RPTOR: variants seen among roughly 807,000 people sequenced by gnomAD.
RPTOR encodes regulatory associated protein of MTOR complex 1.
Under a neutral mutation model 169.9 loss-of-function variants are expected in RPTOR, and 21 were observed. The ratio of observed to expected loss-of-function variants is 0.12; its 90% CI spans 0.09 to 0.18. The LOEUF (loss-of-function observed/expected upper bound fraction) is 0.18. RPTOR is among the 10% of genes least tolerant of loss of function. The pLI, the probability that RPTOR is intolerant of heterozygous loss-of-function variation, is 1.00. For synonymous variants in RPTOR, 732 were observed against 753.2 expected, an observed-to-expected ratio of 0.97 and a Z score of 0.46; for missense variants, 1,133 against 1,855.9, an observed-to-expected ratio of 0.61 and a Z score of 7.16.
intron 9 of RPTOR, among the ~76,000 whole-genome samples, chr17:80,829,343 AGCGCCCGGGCT>A (rs2067478180): frequency 6.6e-6 from 1 of 152,214 alleles, no homozygotes; most frequent in Non-Finnish European, 1.5e-5. Context: ...TGGGTAGGGC[AGCGCCCGGGCT>A]GTGCTCAGTC....
At chr17:80,798,038 C>CA (rs2067118132) in intron 7 of RPTOR, among the ~76,000 whole-genome samples, 1 of 152,198 alleles carries the variant, frequency 6.6e-6, no homozygotes, top group Admixed American at 6.5e-5. Context: ...CTTCACTGAA[C>CA]ATGTCAGCCA....
intron 20 of RPTOR, among the ~76,000 whole-genome samples, chr17:80,905,886 T>C (rs1567979723): frequency 6.6e-6 from 1 of 152,208 alleles, no homozygotes; most frequent in African/African-American, 2.4e-5. Context: ...GGCCTGGTCC[T>C]CACCCCCGGG....
chr17:80,574,592 G>A (rs2143326415), intron 1 of RPTOR, among the ~76,000 whole-genome samples: 1 of 152,106 alleles, frequency 6.6e-6, no homozygotes, highest in South Asian at 2.1e-4. Flanking sequence ...TCTTTTTAAA[G>A]TCAATGGGAC....
Position 80,721,128 on chromosome 17 carries a change from A to G in RPTOR, c.508-9432A>G, listed in dbSNP as rs1450975383. ...CCAAGCAGGAGTGAGAACCAGCTAG[A>G]CAAGGGGAGGCCTGGGAGTGCGAGG... On this transcript the variant is annotated intron_variant, in intron 4 of 33. Transcript: ENST00000306801. This position sits in a 1 kb window ranked among gnomAD's most constrained non-coding sequence, Gnocchi z 4.7. 6.6e-6 allele frequency among the ~76,000 whole-genome samples: 1 copy of G among 150,872 alleles called. No homozygotes were observed. The highest frequency in any genetic ancestry group is 2.5e-5 in the African/African-American group (1 of 40,274).
At chr17:80,892,707 T>C (rs756848151) in intron 18 of RPTOR, 22 bp from the exon 19 acceptor site, 1 of 1,609,110 alleles carries the variant, frequency 6.2e-7, no homozygotes, top group South Asian at 1.1e-5. Flanking sequence ...CATTGTAATT[T>C]GTCTTTCTCC....
chr17:80,576,902 C>T (rs2064968497), intron 1 of RPTOR, among the ~76,000 whole-genome samples: 1 of 152,132 alleles, frequency 6.6e-6, no homozygotes, highest in Non-Finnish European at 1.5e-5. Flanking sequence ...CGGGGTTTTG[C>T]CCTGTGGCCC....
chr17:80,783,760 A>G lies in RPTOR; in HGVS notation c.831-7690A>G, dbSNP rs147780707. Among the ~76,000 whole-genome samples, 11 of 152,352 alleles carry G rather than the reference A, an allele frequency of 7.2e-5. No individual in the cohort carries two copies. The East Asian group carries it at 2.1e-3, about 29-fold the overall frequency. Reference sequence around the variant, plus strand: ...GTGTTCATCTGTATTTCTCTTACCAATGGAATAATTGTTTTTCCTTTTTGC... The same window carrying G: ...GTGTTCATCTGTATTTCTCTTACCAGTGGAATAATTGTTTTTCCTTTTTGC... On this transcript the variant is annotated intron_variant, in intron 6 of 33. Transcript: ENST00000306801.
intron 25 of RPTOR, 77 bp downstream of exon 25, chr17:80,940,678 C>T: frequency 8.3e-7 from 1 of 1,198,940 alleles, no homozygotes; most frequent in Non-Finnish European, 1.2e-6. Context: ...GTGAGCAGGC[C>T]CCCCGCGGCC....
At chr17:80,733,822 T>TTGGG (rs2066412396) in intron 5 of RPTOR, among the ~76,000 whole-genome samples, 1 of 152,292 alleles carries the variant, frequency 6.6e-6, no homozygotes, top group Non-Finnish European at 1.5e-5. Flanking sequence ...ATTCACTCTA[T>TTGGG]TGGGTTTCTT....
At chr17:80,621,688 T>C (rs998643894) in intron 1 of RPTOR, among the ~76,000 whole-genome samples, 1 of 152,196 alleles carries the variant, frequency 6.6e-6, no homozygotes, top group Non-Finnish European at 1.5e-5. Flanking sequence ...GGACTGTGCG[T>C]CTACACTGCA....
At chr17:80,891,668 C>A in intron 17 of RPTOR, 52 bp from the exon 18 acceptor site, 1 of 1,253,344 alleles carries the variant, frequency 8.0e-7, no homozygotes, top group Non-Finnish European at 1.2e-6. Flanking sequence ...TGCTGCTCCA[C>A]AATCATTTTC....
chr17:80,760,080 C>A (rs969255495), intron 6 of RPTOR, among the ~76,000 whole-genome samples: 5 of 151,970 alleles, frequency 3.3e-5, no homozygotes, highest in Admixed American at 1.3e-4. Context: ...TTAGCCGGAG[C>A]GTAGGGCTTT....
chr17:80,730,729 A>C lies in RPTOR; in HGVS notation c.654+23A>C. 8.3e-7 allele frequency: 1 copy of C among 1,206,216 alleles called. No individual in the cohort carries two copies. The highest frequency in any genetic ancestry group is 5.2e-5 in the East Asian group (1 of 19,178). The allele number at this position is 1,206,216 out of a possible 1,614,324, so 74.7% of individuals were successfully genotyped here. On this transcript the variant is annotated intron_variant, in intron 5 of 33. Coordinates refer to ENST00000306801, the MANE Select transcript of RPTOR (RefSeq NM_020761.3). This position sits in a 1 kb window ranked among gnomAD's most constrained non-coding sequence, Gnocchi z 4.2. ...GAGGTGAGCGCTCTGGTGCTTGGAG[A>C]GCGGTGCTGGGTTTGGTTTTGTTTT...
At chr17:80,927,672 GATGTGTGTGTGTATCTCTGT>G (rs2068827544) in intron 24 of RPTOR, among the ~76,000 whole-genome samples, 1 of 149,638 alleles carries the variant, frequency 6.7e-6, no homozygotes, top group African/African-American at 2.5e-5. Flanking sequence ...CTGTCTGTGT[GATGTGTGTGTGTATCTCTGT>G]ATGTGTGTAT....
chr17:80,855,912 T>C (rs1226370491), intron 12 of RPTOR, among the ~76,000 whole-genome samples: 1 of 152,188 alleles, frequency 6.6e-6, no homozygotes, highest in Non-Finnish European at 1.5e-5. Context: ...GTGGTGCTGC[T>C]TCCCCCAGGA....
At chr17:80,902,448 G>A (rs1357869002) in intron 20 of RPTOR, among the ~76,000 whole-genome samples, 3 of 152,322 alleles carry the variant, frequency 2.0e-5, no homozygotes, top group South Asian at 2.1e-4. Context: ...CTGGCCCACC[G>A]CCAGGATCCC....
chr17:80,826,389 G>T lies in RPTOR; in HGVS notation c.1136+3166G>T, dbSNP rs561898305. Among the ~76,000 whole-genome samples, 3 of 152,326 alleles carry T rather than the reference G, an allele frequency of 2.0e-5. No homozygotes were observed. The South Asian group carries it at 6.2e-4, about 32-fold the overall frequency. On this transcript the variant is annotated intron_variant, in intron 9 of 33. Transcript: ENST00000306801. ...GGAAAGTGACACTTCCCGGCCGGCT[G>T]TGCAGAGCTCGTCACCAGGCCCTGC... is the stretch of plus-strand genomic sequence containing the variant.
chr17:80,743,865 A>T (rs1390025213), intron 5 of RPTOR, among the ~76,000 whole-genome samples: 1 of 119,092 alleles, frequency 8.4e-6, no homozygotes, highest in African/African-American at 3.5e-5. Flanking sequence ...AGCCCTGGCT[A>T]CTAGCACAGC....
intron 2 of RPTOR, among the ~76,000 whole-genome samples, chr17:80,638,301 G>T (rs2065524266): frequency 6.6e-6 from 1 of 152,182 alleles, no homozygotes; most frequent in Admixed American, 6.5e-5. Flanking sequence ...GCACCCGTTA[G>T]CCACGGCCAG....
Sources: gnomAD v4.1 joint callset for allele counts (sites outside exome capture counted in the v4.1 genomes callset) on GRCh38, gnomAD v4.1.1 for gene constraint, Gnocchi (gnomAD v3.1) non-coding constraint, MANE v1.5 for transcripts, NCBI Gene and HGNC (gene_info 2026-07-23, HGNC 2026-07-21) for gene names.